WWOX: variants seen among roughly 807,000 people sequenced by gnomAD.
The protein encoded by WWOX is WW domain containing oxidoreductase.
WWOX carries 69 observed loss-of-function variants against 46.2 expected under a neutral mutation model. The observed-to-expected ratio is 1.49, with a 90% CI of 1.23 to 1.82. The LOEUF is 1.82. WWOX is among the 40% of genes most tolerant of loss of function. WWOX has a pLI of 0.00. For synonymous variants in WWOX, 359 were observed against 202.6 expected (o/e 1.77, Z -6.56); for missense variants, 919 against 542.6 (o/e 1.69, Z -6.89).
chr16:78,354,035 C>T (rs574434045), intron 5 of WWOX, among the ~76,000 whole-genome samples: 7 of 152,312 alleles, frequency 4.6e-5, no homozygotes, highest in African/African-American at 1.2e-4. Flanking sequence ...AGAATTCAGT[C>T]TACGCAAGGG....
chr16:78,438,506 C>T (rs2083380029), intron 8 of WWOX, among the ~76,000 whole-genome samples: 1 of 151,778 alleles, frequency 6.6e-6, no homozygotes, highest in Admixed American at 6.6e-5. Flanking sequence ...TACATCCTTG[C>T]CAGAGTTCCC....
chr16:78,327,470 CAGA>C (rs2080650809), intron 5 of WWOX, among the ~76,000 whole-genome samples: 1 of 152,124 alleles, frequency 6.6e-6, no homozygotes, highest in African/African-American at 2.4e-5. Context: ...GGGCAGGACA[CAGA>C]AGGCTTCTGT....
At chr16:78,728,683 C>G (rs148801729) in intron 8 of WWOX, among the ~76,000 whole-genome samples, 41 of 152,310 alleles carry the variant, frequency 2.7e-4, no homozygotes, top group African/African-American at 9.9e-4. Context: ...CTTTGACAAC[C>G]ACAGGTCTAC....
chr16:78,671,961 A>G (rs1464291392), intron 8 of WWOX, among the ~76,000 whole-genome samples: 4 of 152,108 alleles, frequency 2.6e-5, no homozygotes. Flanking sequence ...TGGGTAGTGG[A>G]AAAAATATGA....
intron 8 of WWOX, among the ~76,000 whole-genome samples, chr16:78,503,388 T>A (rs2085116268): frequency 6.6e-6 from 1 of 152,156 alleles, no homozygotes; most frequent in African/African-American, 2.4e-5. Context: ...ATGCTGAAAT[T>A]CCTATATCCC....
At chr16:78,725,226 A>G (rs117656198) in intron 8 of WWOX, among the ~76,000 whole-genome samples, 1,971 of 150,846 alleles carry the variant, frequency 0.013, 15 homozygotes, top group South Asian at 0.035. Flanking sequence ...GCTTTGCACT[A>G]TGATTGTGAG....
chr16:78,325,607 G>T (rs141562687), intron 5 of WWOX, among the ~76,000 whole-genome samples: 2 of 152,206 alleles, frequency 1.3e-5, no homozygotes, highest in Non-Finnish European at 1.5e-5. Flanking sequence ...TAATAGAGAA[G>T]TAATGAGATC....
intron 8 of WWOX, among the ~76,000 whole-genome samples, chr16:79,025,990 G>C (rs547108683): frequency 5.3e-5 from 8 of 151,252 alleles, no homozygotes; most frequent in African/African-American, 1.7e-4. Context: ...TAGTAGAGAT[G>C]GGTTTTAGCC....
intron 8 of WWOX, among the ~76,000 whole-genome samples, chr16:79,022,168 A>C (rs2047546885): frequency 6.6e-6 from 1 of 152,132 alleles, no homozygotes; most frequent in Non-Finnish European, 1.5e-5. Context: ...TTTGCTGGTG[A>C]AGGAGGTATA....
At chr16:78,975,653 A>G (rs997569348) in intron 8 of WWOX, among the ~76,000 whole-genome samples, 10 of 152,100 alleles carry the variant, frequency 6.6e-5, no homozygotes, top group South Asian at 4.2e-4. Flanking sequence ...CTCAAAACCA[A>G]TGTTAACACC....
intron 8 of WWOX, among the ~76,000 whole-genome samples, chr16:78,706,682 G>A (rs566758719): frequency 6.6e-6 from 1 of 152,188 alleles, no homozygotes; most frequent in Non-Finnish European, 1.5e-5. Context: ...TCTTTCAGCT[G>A]CTCTTTCTCG....
chr16:78,414,140 C>T (rs748449381), intron 6 of WWOX, among the ~76,000 whole-genome samples: 18 of 151,950 alleles, frequency 1.2e-4, no homozygotes, highest in Middle Eastern at 6.8e-3. Context: ...GTGACCCCCG[C>T]CCCTGCCTGC....
chr16:78,522,548 C>G (rs768944371), intron 8 of WWOX, among the ~76,000 whole-genome samples: 1 of 149,674 alleles, frequency 6.7e-6, no homozygotes, highest in Non-Finnish European at 1.5e-5. Context: ...CTTTGACTCC[C>G]TGTATTACCA....
chr16:78,200,245 C>T (rs2036190343), intron 5 of WWOX, among the ~76,000 whole-genome samples: 2 of 151,984 alleles, frequency 1.3e-5, no homozygotes, highest in South Asian at 2.1e-4. Flanking sequence ...AATTCCTCGC[C>T]CGACTTCTGA....
At chr16:78,825,510 G>A in intron 8 of WWOX, 2 of 496,156 alleles carry the variant, frequency 4.0e-6, no homozygotes, top group Admixed American at 2.1e-5. Context: ...GAAGAGATTT[G>A]GCTTCCCACA....
In WWOX at chr16:78,896,253, C is replaced by T. The variant is rs202229594; in HGVS notation, c.1057-315355C>T. The T allele has an allele frequency of 6.6e-5, 10 of 151,138 alleles. No individual in the cohort carries two copies. In the East Asian group the frequency reaches 7.8e-4, roughly 12 times the overall value. 9.4% of individuals were successfully genotyped at this position (151,138 alleles called of 1,614,324 possible). A position where few individuals can be genotyped will look rare whatever the true frequency, so the allele number is the denominator to read the frequency against. On this transcript the variant is annotated intron_variant, in intron 8 of 8. Coordinates refer to ENST00000566780, the MANE Select transcript of WWOX (RefSeq NM_016373.4). ...AAAAAAAAAGTCACCAAGTTGTTTCCAATTGTTTTTGTAAATTTGCTTAGT... is the reference window on the plus strand; with the variant it reads ...AAAAAAAAAGTCACCAAGTTGTTTCTAATTGTTTTTGTAAATTTGCTTAGT...
chr16:78,885,156 C>G (rs565214311), intron 8 of WWOX, among the ~76,000 whole-genome samples: 1 of 151,174 alleles, frequency 6.6e-6, no homozygotes, highest in African/African-American at 2.4e-5. Flanking sequence ...TCTACGAGCT[C>G]CCTCATGGTT....
intron 4 of WWOX, 68 bp downstream of exon 4, chr16:78,115,222 A>G (rs2032719933): frequency 6.3e-7 from 1 of 1,593,358 alleles, no homozygotes; most frequent in Non-Finnish European, 8.6e-7. Context: ...TCTAGCTATA[A>G]TGGAATTTTG....
At chr16:79,003,676 C>G (rs1042887019) in intron 8 of WWOX, among the ~76,000 whole-genome samples, 2 of 152,170 alleles carry the variant, frequency 1.3e-5, no homozygotes, top group African/African-American at 4.8e-5. Context: ...CTCAGCTGGT[C>G]TCAGCTCGTG....
Sources: gnomAD v4.1 joint callset for allele counts (sites outside exome capture counted in the v4.1 genomes callset) on GRCh38, gnomAD v4.1.1 for gene constraint, MANE v1.5 for transcripts, NCBI Gene and HGNC (gene_info 2026-07-23, HGNC 2026-07-21) for gene names.